Variants in SPIN1 observed in about 807,000 individuals in gnomAD.
SPIN1 encodes the protein spindlin 1.
Under a neutral mutation model 26.0 loss-of-function variants are expected in SPIN1, and 3 were observed. The ratio of observed to expected loss-of-function variants is 0.12; its 90% CI spans 0.05 to 0.30. The LOEUF (loss-of-function observed/expected upper bound fraction) is 0.30. Among genes scored for constraint, SPIN1 ranks in the 10% least tolerant of loss-of-function variants. The pLI is 1.00. For synonymous variants in SPIN1, 101 were observed against 116.5 expected (o/e 0.87, Z 0.86); for missense variants, 126 against 333.4 (o/e 0.38, Z 4.84).
chr9:88,442,840 A>G (rs1260354868), intron 2 of SPIN1, among the ~76,000 whole-genome samples: 1 of 151,670 alleles, frequency 6.6e-6, no homozygotes, highest in Non-Finnish European at 1.5e-5. Context: ...TCTCAGTCTT[A>G]GCTGGGTATG....
rs578077567 is a variant in SPIN1 at position 88,410,904 on chromosome 9, C to T, written c.-158-15478C>T. 3.9e-5 allele frequency: 39 copies of T among 994,084 alleles called. No homozygotes were observed. In the East Asian group the frequency reaches 6.2e-4, roughly 16 times the overall value. 61.6% of individuals were successfully genotyped at this position (994,084 alleles called of 1,614,324 possible). ...CTTCTTTGGCTGGATGAAGCACTAG[C>T]CATCTCTTGCTTTGACAGGGCTTTC... On this transcript the variant is annotated intron_variant, in intron 1 of 5. Transcript: ENST00000375859.
intron 2 of SPIN1, among the ~76,000 whole-genome samples, chr9:88,433,051 C>G (rs190334849): frequency 6.6e-6 from 1 of 151,956 alleles, no homozygotes; most frequent in African/African-American, 2.4e-5. Context: ...TTCATAGATA[C>G]AAGTAGCTTA....
At chr9:88,449,266 A>G (rs548335432) in intron 3 of SPIN1, among the ~76,000 whole-genome samples, 18 of 152,070 alleles carry the variant, frequency 1.2e-4, no homozygotes, top group African/African-American at 3.9e-4. Context: ...TGGCAGGTGC[A>G]TGGTGAACCT....
intron 1 of SPIN1, among the ~76,000 whole-genome samples, chr9:88,397,521 CTT>C (rs1229561801): frequency 6.6e-6 from 1 of 152,044 alleles, no homozygotes. Flanking sequence ...TCAAGCATCA[CTT>C]TTAATGAAAT....
intron 1 of SPIN1, among the ~76,000 whole-genome samples, chr9:88,412,677 T>G (rs772880752): frequency 6.6e-5 from 10 of 152,212 alleles, no homozygotes; most frequent in South Asian, 2.1e-4. Context: ...CATGGTGTCT[T>G]TCTTTGTCAG....
At chr9:88,431,082 T>C (rs1213277722) in intron 2 of SPIN1, among the ~76,000 whole-genome samples, 1 of 152,008 alleles carries the variant, frequency 6.6e-6, no homozygotes, top group Non-Finnish European at 1.5e-5. Flanking sequence ...ACGGGGTTTT[T>C]CCATGTTGGT....
intron 3 of SPIN1, among the ~76,000 whole-genome samples, chr9:88,456,991 TTTAC>T (rs796539264): frequency 4.5e-4 from 68 of 151,744 alleles, no homozygotes; most frequent in African/African-American, 1.6e-3. Context: ...GAAAGTAGAG[TTTAC>T]TTAATTCACT....
At chr9:88,411,830 C>G (rs1418104222) in intron 1 of SPIN1, among the ~76,000 whole-genome samples, 2 of 151,936 alleles carry the variant, frequency 1.3e-5, no homozygotes, top group African/African-American at 2.4e-5. Context: ...TCAACTTTTT[C>G]TTATGGTAGT....
At position 88,448,942 on chromosome 9, in the gene SPIN1, C is replaced by T; in HGVS notation, c.54C>T (p.Gly18=). 1 of 1,612,934 alleles carries T rather than the reference C, an allele frequency of 6.2e-7. No homozygotes were observed. Among genetic ancestry groups the T allele is most frequent in the Non-Finnish European group, 8.5e-7 (1 of 1,179,668 alleles). Reference sequence around the variant, plus strand: ...ACTATATACTCATCTCTCTTACAGGCCATGCTGGAGTATCTGCCAACATGA... The same window carrying T: ...ACTATATACTCATCTCTCTTACAGGTCATGCTGGAGTATCTGCCAACATGA... ...TPGQRSRADA[G]HAGVSANMMK... Residue 18 remains glycine, a splice_region_variant and synonymous_variant, in exon 3 of 6, where the codon GGC becomes GGT. Transcript: ENST00000375859.
chr9:88,410,149 C>T (rs947183807), intron 1 of SPIN1, among the ~76,000 whole-genome samples: 3 of 136,040 alleles, frequency 2.2e-5, no homozygotes, highest in Non-Finnish European at 4.6e-5. Flanking sequence ...TTGATGCTTT[C>T]ATGCATATAT....
intron 3 of SPIN1, among the ~76,000 whole-genome samples, chr9:88,450,210 C>G (rs1828329391): frequency 1.3e-5 from 2 of 152,094 alleles, no homozygotes; most frequent in South Asian, 2.1e-4. Context: ...TAAGCTGTGT[C>G]TTGCCACAAA....
intron 2 of SPIN1, among the ~76,000 whole-genome samples, chr9:88,441,034 G>T (rs1828113372): frequency 6.6e-6 from 1 of 151,670 alleles, no homozygotes; most frequent in African/African-American, 2.4e-5. Flanking sequence ...TTGGCCCTCT[G>T]TATCCGTGGG....
At chr9:88,452,834 CT>C (rs1359256565) in intron 3 of SPIN1, among the ~76,000 whole-genome samples, 1 of 152,142 alleles carries the variant, frequency 6.6e-6, no homozygotes, top group African/African-American at 2.4e-5. Context: ...TTTAACCAGT[CT>C]TTTCTTCTAA....
At chr9:88,460,715 C>T (rs1029182826) in intron 3 of SPIN1, among the ~76,000 whole-genome samples, 17 of 152,172 alleles carry the variant, frequency 1.1e-4, no homozygotes, top group African/African-American at 4.1e-4. Context: ...TTCCTCCCTC[C>T]TCTACCTTTT....
intron 1 of SPIN1, among the ~76,000 whole-genome samples, chr9:88,421,390 C>T (rs1021752620): frequency 1.3e-4 from 20 of 152,058 alleles, no homozygotes; most frequent in African/African-American, 4.1e-4. Context: ...GCAGCCTTAA[C>T]CTCCTGGTCT....
At chr9:88,407,159 A>G (rs1827328343) in intron 1 of SPIN1, among the ~76,000 whole-genome samples, 1 of 140,276 alleles carries the variant, frequency 7.1e-6, no homozygotes, top group Non-Finnish European at 1.5e-5. Context: ...AAAAAAAAAG[A>G]TGGAGTCTCA....
At chr9:88,420,800 A>C (rs112207388) in intron 1 of SPIN1, among the ~76,000 whole-genome samples, 2 of 152,220 alleles carry the variant, frequency 1.3e-5, no homozygotes, top group African/African-American at 4.8e-5. Flanking sequence ...TCAGAGGACT[A>C]AAGCTGCCTG....
intron 5 of SPIN1, among the ~76,000 whole-genome samples, chr9:88,474,809 T>C (rs577364365): frequency 6.6e-6 from 1 of 152,206 alleles, no homozygotes; most frequent in African/African-American, 2.4e-5. Flanking sequence ...CACATCTGTT[T>C]ATATACATAT....
intron 1 of SPIN1, among the ~76,000 whole-genome samples, chr9:88,388,980 G>A (rs1269525503): frequency 6.9e-6 from 1 of 144,820 alleles, no homozygotes; most frequent in Non-Finnish European, 1.5e-5. Context: ...GGGGAACGTT[G>A]CATAATCCCG....
Sources: gnomAD v4.1 joint callset for allele counts (sites outside exome capture counted in the v4.1 genomes callset) on GRCh38, gnomAD v4.1.1 for gene constraint, MANE v1.5 for transcripts, NCBI Gene and HGNC (gene_info 2026-07-23, HGNC 2026-07-21) for gene names.